Variants in CRADD observed in about 807,000 individuals in gnomAD.
CRADD encodes CARD and death domain containing adaptor protein.
In CRADD, 9 loss-of-function variants were observed where a neutral mutation model predicts 15.5. That is an observed-to-expected ratio of 0.58 (90% CI 0.35 to 1.01). CRADD has a LOEUF of 1.01. Ranked by LOEUF, CRADD falls within the 50% of genes least tolerant of loss-of-function variation. CRADD has a pLI of 0.02. For synonymous variants in CRADD, 118 were observed against 107.6 expected (o/e 1.10, Z -0.60); for missense variants, 227 against 250.3 (o/e 0.91, Z 0.63).
intron 2 of CRADD, among the ~76,000 whole-genome samples, chr12:93,680,381 C>T (rs1182579396): frequency 6.6e-6 from 1 of 152,122 alleles, no homozygotes; most frequent in Non-Finnish European, 1.5e-5. Flanking sequence ...ACCACTTTTA[C>T]TATTTTTGCT....
At chr12:93,805,830 G>T (rs2137001692) in intron 2 of CRADD, among the ~76,000 whole-genome samples, 1 of 152,246 alleles carries the variant, frequency 6.6e-6, no homozygotes, top group Middle Eastern at 3.4e-3. Flanking sequence ...TGACATATCT[G>T]TCAGAGGGAA....
At chr12:93,837,698 G>A (rs1198029350) in intron 2 of CRADD, 2 of 152,150 alleles carry the variant, frequency 1.3e-5, no homozygotes, top group African/African-American at 4.8e-5. Flanking sequence ...TTAATGAGAA[G>A]TCAAAAATCA....
At chr12:93,747,633 A>G (rs1956774739) in intron 2 of CRADD, among the ~76,000 whole-genome samples, 1 of 151,928 alleles carries the variant, frequency 6.6e-6, no homozygotes, top group Admixed American at 6.6e-5. Flanking sequence ...AGTGCTGGCT[A>G]ATTTTTGTAT....
At chr12:93,792,792 A>G (rs1272463037) in intron 2 of CRADD, among the ~76,000 whole-genome samples, 3 of 152,190 alleles carry the variant, frequency 2.0e-5, no homozygotes, top group African/African-American at 7.2e-5. Flanking sequence ...GCTACTAAGT[A>G]GCAAAGCCTT....
intron 2 of CRADD, among the ~76,000 whole-genome samples, chr12:93,869,537 G>T (rs903917822): frequency 6.6e-6 from 1 of 152,146 alleles, no homozygotes; most frequent in Non-Finnish European, 1.5e-5. Flanking sequence ...GGTGTAATTT[G>T]TGGAGACATG....
intron 2 of CRADD, among the ~76,000 whole-genome samples, chr12:93,689,105 TA>T (rs1028571813): frequency 1.3e-5 from 2 of 151,740 alleles, no homozygotes; most frequent in African/African-American, 4.8e-5. Flanking sequence ...ACTTTGAGAG[TA>T]AAAAAAAGAC....
At chr12:93,770,626 G>A (rs901162850) in intron 2 of CRADD, among the ~76,000 whole-genome samples, 3 of 152,114 alleles carry the variant, frequency 2.0e-5, no homozygotes, top group African/African-American at 4.8e-5. Context: ...TATATGAATG[G>A]GTCCAGCTGT....
intron 2 of CRADD, among the ~76,000 whole-genome samples, chr12:93,889,785 G>A (rs1958564020): frequency 6.6e-6 from 1 of 152,218 alleles, no homozygotes; most frequent in African/African-American, 2.4e-5. Context: ...GGAGAAGAAG[G>A]AGCTTTTCCT....
chr12:93,694,007 A>C (rs1440916876), intron 2 of CRADD, among the ~76,000 whole-genome samples: 1 of 152,140 alleles, frequency 6.6e-6, no homozygotes, highest in African/African-American at 2.4e-5. Context: ...TTTGATATCA[A>C]AGCTAGATAA....
intron 2 of CRADD, among the ~76,000 whole-genome samples, chr12:93,843,033 C>T (rs1413400902): frequency 2.0e-5 from 3 of 152,060 alleles, no homozygotes; most frequent in Admixed American, 6.6e-5. Context: ...AGTTAAATTC[C>T]CATTTGGGAT....
At chr12:93,693,044 T>A (rs1257175372) in intron 2 of CRADD, among the ~76,000 whole-genome samples, 1 of 152,190 alleles carries the variant, frequency 6.6e-6, no homozygotes, top group Non-Finnish European at 1.5e-5. Context: ...GTTTATAAAA[T>A]GTTTTTGTAA....
At chr12:93,857,512 G>C (rs1326421870) in intron 2 of CRADD, among the ~76,000 whole-genome samples, 1 of 152,192 alleles carries the variant, frequency 6.6e-6, no homozygotes, top group Non-Finnish European at 1.5e-5. Context: ...CCAAGAATGA[G>C]GGTGTCTGTC....
chr12:93,756,482 C>T (rs1028524402), intron 2 of CRADD, among the ~76,000 whole-genome samples: 1 of 152,172 alleles, frequency 6.6e-6, no homozygotes, highest in Non-Finnish European at 1.5e-5. Context: ...ACACAGGGAC[C>T]TGCCACAAAG....
At position 93,850,254 on chromosome 12, in the gene CRADD, C is replaced by T. The variant is rs752141754; in HGVS notation, c.583C>T (p.Leu195=). ...TGTGGAGGTGGACCCCTCGCTGCTC[C>T]TGCACATGTTGGAGTGATGGTGCCT... ...RAVEVDPSLL[L]HMLE The change falls in exon 3 of 3, where the codon CTG becomes TTG. Residue 195 remains leucine (L), a synonymous_variant. Transcript: ENST00000332896. The surrounding 1 kb of genome is among the most constrained non-coding windows in gnomAD (Gnocchi z 4.0). 1 of 1,601,110 alleles carries T rather than the reference C, an allele frequency of 6.2e-7. No individual in the cohort carries two copies. The highest frequency in any genetic ancestry group is 1.7e-5 in the Admixed American group (1 of 57,962).
At chr12:93,686,052 C>T (rs1592880961) in intron 2 of CRADD, among the ~76,000 whole-genome samples, 2 of 151,554 alleles carry the variant, frequency 1.3e-5, no homozygotes, top group East Asian at 2.0e-4. Context: ...GTAATCCCTA[C>T]ACTTTGGGAG....
rs369821621 is a variant in CRADD, at chr12:93,679,003, C to G, written c.229C>G (p.Gln77Glu). The change falls in exon 2 of 3, where the codon CAG (glutamine) becomes GAG (glutamate). Residue 77 changes from glutamine (Q) to glutamate (E), a missense_variant. Physicochemically the swap from Gln to Glu is conservative, Grantham distance 29. Coordinates refer to ENST00000332896, the MANE Select transcript of CRADD (RefSeq NM_003805.5). ...ATTTGATACATTCCTAGATTCCCTA[C>G]AGGAGTTTCCCTGGGTCAGGGAGAA... The part of the protein sequence containing the change: ...KAFDTFLDSL[Q>E]EFPWVREKLK... 8.7e-6 allele frequency: 14 copies of G among 1,613,934 alleles called. No homozygotes were observed. Among genetic ancestry groups the G allele is most frequent in the Admixed American group, 1.7e-5 (1 of 60,014 alleles).
chr12:93,893,906 G>GA (rs111825675), intron 2 of CRADD: 39,738 of 478,124 alleles, frequency 0.083, 1 homozygote, highest in East Asian at 0.1. Context: ...TCTCAAAAAA[G>GA]AAAAAAAAAA....
At chr12:93,764,633 G>T (rs1478548235) in intron 2 of CRADD, among the ~76,000 whole-genome samples, 1 of 151,972 alleles carries the variant, frequency 6.6e-6, no homozygotes, top group Non-Finnish European at 1.5e-5. Context: ...CAATTGCTCT[G>T]GAAATTGACC....
chr12:93,737,962 A>G (rs1427421565), intron 2 of CRADD: 2 of 315,692 alleles, frequency 6.3e-6, no homozygotes, highest in African/African-American at 4.3e-5. Context: ...GATAAAATAA[A>G]GCTCATTATA....
Sources: gnomAD v4.1 joint callset for allele counts (sites outside exome capture counted in the v4.1 genomes callset) on GRCh38, gnomAD v4.1.1 for gene constraint, Gnocchi (gnomAD v3.1) non-coding constraint, MANE v1.5 for transcripts, NCBI Gene and HGNC (gene_info 2026-07-23, HGNC 2026-07-21) for gene names.